The following BCL7C variants were observed in gnomAD, a reference collection of about 807,000 sequenced individuals.
The protein encoded by BCL7C is B-cell CLL/lymphoma 7 protein family member C.
A neutral mutation model predicts 26.2 loss-of-function variants in BCL7C; 8 were observed. The observed-to-expected ratio is 0.30, with a 90% CI of 0.18 to 0.55. The LOEUF (loss-of-function observed/expected upper bound fraction) is 0.55. BCL7C is among the 20% of genes least tolerant of loss of function. BCL7C has a pLI of 0.93. For missense variants in BCL7C, 262 were observed against 298.5 expected, an observed-to-expected ratio of 0.88 and a Z score of 0.90; for synonymous variants, 90 against 116.5, an observed-to-expected ratio of 0.77 and a Z score of 1.47.
At chr16:30,864,846 A>AC (rs1175195716) in intron 5 of BCL7C, among the ~76,000 whole-genome samples, 1 of 95,236 alleles carries the variant, frequency 1.1e-5, no homozygotes, top group Admixed American at 1.1e-4. Flanking sequence ...CCCCACCCCC[A>AC]CCCCCCCACC....
intron 5 of BCL7C, chr16:30,875,683 TTC>T (rs2054940276): frequency 6.6e-6 from 1 of 152,254 alleles, no homozygotes; most frequent in Non-Finnish European, 1.5e-5. Flanking sequence ...CAGTTTTACT[TTC>T]TGTTTTTGGC....
downstream of BCL7C, among the ~76,000 whole-genome samples, chr16:30,885,473 G>T (rs11859498): frequency 6.6e-6 from 1 of 150,742 alleles, no homozygotes; most frequent in Admixed American, 6.6e-5. Flanking sequence ...ATAGTGGTGC[G>T]ATCTCGGCTT....
downstream of BCL7C, among the ~76,000 whole-genome samples, chr16:30,885,296 G>A (rs2038897991): frequency 2.0e-5 from 3 of 152,162 alleles, no homozygotes; most frequent in East Asian, 1.9e-4. Context: ...AGCCGGAAAA[G>A]GCAAAGAAAG....
downstream of BCL7C, among the ~76,000 whole-genome samples, chr16:30,883,766 C>G (rs547745246): frequency 6.7e-6 from 1 of 148,516 alleles, no homozygotes; most frequent in East Asian, 2.1e-4. Flanking sequence ...ATCCGCCTGC[C>G]TTGGCCTCCC....
At chr16:30,857,210 G>A (rs989763662) in intron 5 of BCL7C, among the ~76,000 whole-genome samples, 1 of 151,750 alleles carries the variant, frequency 6.6e-6, no homozygotes, top group African/African-American at 2.4e-5. Flanking sequence ...CCAACATGGT[G>A]AAACCCCACC....
At chr16:30,865,197 C>T (rs905219569) in intron 5 of BCL7C, among the ~76,000 whole-genome samples, 3 of 146,442 alleles carry the variant, frequency 2.0e-5, no homozygotes, top group Non-Finnish European at 4.5e-5. Context: ...AAAAAAAGTA[C>T]TTTGTAATAC....
intron 4 of BCL7C, among the ~76,000 whole-genome samples, chr16:30,889,219 GGGTTCAAATCCT>G (rs2055185812): frequency 6.6e-6 from 1 of 152,168 alleles, no homozygotes; most frequent in Admixed American, 6.5e-5. Context: ...TGGACTGCCT[GGGTTCAAATCCT>G]GACCTTGGGC....
chr16:30,856,837 G>A (rs1298728653), intron 5 of BCL7C, among the ~76,000 whole-genome samples: 1 of 152,172 alleles, frequency 6.6e-6, no homozygotes, highest in South Asian at 2.1e-4. Context: ...TCTTTTCTCT[G>A]TATGTTCACA....
rs573806446 is a variant in BCL7C, at chr16:30,846,932, C to A, written c.529-11784G>T. On this transcript the variant is annotated intron_variant, in intron 5 of 5. Transcript: ENST00000380317. ...CATGCCTTGGGAACCCAAATGGCTG[C>A]TATTCTTGACTACAGTGACAGCAGT... is the stretch of plus-strand genomic sequence containing the variant. 8.5e-4 allele frequency among the ~76,000 whole-genome samples: 130 copies of A among 152,320 alleles called. 1 individual carries two copies. Among genetic ancestry groups the A allele is most frequent in the African/African-American group, 3.1e-3 (127 of 41,588 alleles).
At chr16:30,887,683 A>T, downstream of BCL7C, 1 of 1,011,514 alleles carries the variant, frequency 9.9e-7, no homozygotes, top group East Asian at 2.9e-5. Context: ...TGGTGTCACT[A>T]CAGGAAGGTC....
At chr16:30,874,439 A>G (rs149671647) in intron 5 of BCL7C, among the ~76,000 whole-genome samples, 14 of 152,176 alleles carry the variant, frequency 9.2e-5, no homozygotes, top group Non-Finnish European at 1.2e-4. Context: ...CAACATAGCG[A>G]GATCCTGACT....
chr16:30,852,376 A>G (rs2054683004), intron 5 of BCL7C: 1 of 152,192 alleles, frequency 6.6e-6, no homozygotes. Flanking sequence ...AAATAAAGTG[A>G]GAAATGACCA....
Position 30,893,182 on chromosome 16 carries a change from C to G in BCL7C, c.171+30G>C. On this transcript the variant is annotated intron_variant, in intron 2 of 5. Coordinates refer to ENST00000215115, the MANE Select transcript of BCL7C (RefSeq NM_004765.4). This position sits in a 1 kb window ranked among gnomAD's most constrained non-coding sequence, Gnocchi z 5.2. ...GAACTTGCCTGAGGTTGCACAGATGCAGGGCCTTGTGGGAATGGGGGTTGC... is the reference window on the plus strand; with the variant it reads ...GAACTTGCCTGAGGTTGCACAGATGGAGGGCCTTGTGGGAATGGGGGTTGC... 6.2e-7 allele frequency: 1 copy of G among 1,604,402 alleles called. No homozygotes were observed. The highest frequency in any genetic ancestry group is 8.5e-7 in the Non-Finnish European group (1 of 1,173,818).
intron 5 of BCL7C, among the ~76,000 whole-genome samples, chr16:30,846,199 AATTT>A (rs748604975): frequency 5.8e-4 from 76 of 131,450 alleles, no homozygotes; most frequent in East Asian, 1.6e-3. Context: ...CTAATTTTAA[AATTT>A]ATTTATTTAT....
At chr16:30,874,973 T>C (rs2054923984) in intron 5 of BCL7C, among the ~76,000 whole-genome samples, 1 of 152,170 alleles carries the variant, frequency 6.6e-6, no homozygotes, top group Admixed American at 6.6e-5. Flanking sequence ...GCCACGCCTC[T>C]GCCGACTGCG....
At chr16:30,872,516 C>T (rs1204116168) in intron 5 of BCL7C, among the ~76,000 whole-genome samples, 1 of 152,188 alleles carries the variant, frequency 6.6e-6, no homozygotes, top group Non-Finnish European at 1.5e-5. Flanking sequence ...ACTTCCTGAA[C>T]TGCGGTGTGC....
chr16:30,864,805 C>G (rs1400582426), intron 5 of BCL7C, among the ~76,000 whole-genome samples: 1 of 151,756 alleles, frequency 6.6e-6, no homozygotes, highest in Non-Finnish European at 1.5e-5. Context: ...TTTGTTCCTG[C>G]CCCACCCTAA....
intron 5 of BCL7C, among the ~76,000 whole-genome samples, chr16:30,854,638 C>T (rs942642252): frequency 1.3e-5 from 2 of 151,860 alleles, no homozygotes; most frequent in Non-Finnish European, 2.9e-5. Flanking sequence ...GCACAATCAG[C>T]TTATCTACAG....
chr16:30,845,495 C>T (rs545375554), intron 5 of BCL7C, among the ~76,000 whole-genome samples: 1 of 152,274 alleles, frequency 6.6e-6, no homozygotes, highest in Non-Finnish European at 1.5e-5. Flanking sequence ...TTCTTGGTTC[C>T]AACAGTGCTT....
Sources: allele counts gnomAD v4.1 joint callset (sites outside exome capture counted in the v4.1 genomes callset), GRCh38; gene constraint gnomAD v4.1.1; non-coding constraint Gnocchi (gnomAD v3.1); transcripts MANE v1.5; gene names NCBI Gene and HGNC (gene_info 2026-07-23, HGNC 2026-07-21).